Variants in RBM4B observed in about 807,000 individuals in gnomAD.
RBM4B encodes the protein RNA binding motif protein 4B.
Under a neutral mutation model 28.5 loss-of-function variants are expected in RBM4B, and 13 were observed. That is an observed-to-expected ratio of 0.46 (90% CI 0.30 to 0.72). RBM4B has a LOEUF of 0.72. Among genes scored for constraint, RBM4B ranks in the 30% least tolerant of loss-of-function variants. The pLI is 0.09. For synonymous variants in RBM4B, 167 were observed against 179.1 expected, an observed-to-expected ratio of 0.93 and a Z score of 0.54; for missense variants, 387 against 477.6, an observed-to-expected ratio of 0.81 and a Z score of 1.77.
In RBM4B at chr11:66,665,545, C is replaced by T. The variant is rs1245998118; in HGVS notation, c.*43G>A. The T allele has an allele frequency of 3.0e-5, 45 of 1,514,616 alleles. No individual in the cohort carries two copies. Among genetic ancestry groups the T allele is most frequent in the South Asian group, 4.8e-5 (4 of 83,596 alleles). The allele number at this position is 1,514,616 out of a possible 1,614,324, so 93.8% of individuals were successfully genotyped here. On this transcript the variant is annotated 3_prime_UTR_variant, in exon 4 of 4. Coordinates refer to ENST00000310046, the MANE Select transcript of RBM4B (RefSeq NM_031492.4). ...CGCGGAGCAAGTTCTCATATATGAC[C>T]GCAGCCCGAGGGTTCAGTCCGCAAT...
At chr11:66,672,209 C>G (rs1299566463) in intron 2 of RBM4B, among the ~76,000 whole-genome samples, 1 of 151,658 alleles carries the variant, frequency 6.6e-6, no homozygotes, top group African/African-American at 2.4e-5. Flanking sequence ...AAGTTCGAGA[C>G]CAGCCTGGCC....
intron 2 of RBM4B, 44 bp downstream of exon 2, chr11:66,676,624 C>G: frequency 3.1e-6 from 5 of 1,601,330 alleles, no homozygotes; most frequent in Non-Finnish European, 4.3e-6. Context: ...CTGTTTTGAG[C>G]TAGACCCCAC....
chr11:66,668,672 C>A lies in RBM4B; in HGVS notation c.1032G>T (p.Arg344=). The A allele has an allele frequency of 6.2e-7, 1 of 1,613,994 alleles. No individual in the cohort carries two copies. Among genetic ancestry groups the A allele is most frequent in the East Asian group, 2.2e-5 (1 of 44,882 alleles). The change falls in exon 3 of 4, where the codon CGG becomes CGT. Residue 344 remains arginine (R), a synonymous_variant. Transcript: ENST00000310046. ...GGTCCACATACTGCTCCCGTTCATA[C>A]CGGGCCATGTCATACAGAGAATTCC... ...ATRNSLYDMA[R]YEREQYVDRA...
At chr11:66,670,001 C>T (rs1203110512) in intron 2 of RBM4B, among the ~76,000 whole-genome samples, 1 of 152,230 alleles carries the variant, frequency 6.6e-6, no homozygotes, top group Non-Finnish European at 1.5e-5. Context: ...ATTTGGACGG[C>T]ATCTTGCCCA....
chr11:66,666,358 G>A (rs544137049), intron 3 of RBM4B: 6 of 1,010,730 alleles, frequency 5.9e-6, no homozygotes, highest in African/African-American at 3.5e-5. Flanking sequence ...GACGTTCTTG[G>A]ATCAGTTCTG....
At chr11:66,672,430 C>A (rs1012638964) in intron 2 of RBM4B, among the ~76,000 whole-genome samples, 6 of 124,812 alleles carry the variant, frequency 4.8e-5, no homozygotes, top group South Asian at 2.7e-4. Flanking sequence ...AAAAAAAAAA[C>A]CCACAAAAAA....
rs1939352755 is a variant in RBM4B, at chr11:66,668,836, C to T, written c.868G>A (p.Ala290Thr). ...TAGGAGGAAGTGGTGGCTGCAGCAG[C>T]AGCCATAGCAGCTGAAGTGGCAGCA... ...GAAATSAAMA[A>T]AAATTSSYYG... The change falls in exon 3 of 4, where the codon GCT becomes ACT. Residue 290 changes from alanine to threonine, a missense_variant. By Grantham distance (58) the Ala-to-Thr change is moderately conservative (BLOSUM62 0). Coordinates refer to ENST00000310046, the MANE Select transcript of RBM4B (RefSeq NM_031492.4). 3 of 1,614,200 alleles carry T rather than the reference C, an allele frequency of 1.9e-6. No individual in the cohort carries two copies. Among genetic ancestry groups the T allele is most frequent in the Non-Finnish European group, 2.5e-6 (3 of 1,180,024 alleles).
rs148731962 is a variant in RBM4B at position 66,669,030 on chromosome 11, C to T, written c.674G>A (p.Arg225Gln). Residue 225 changes from arginine to glutamine, a missense_variant, in exon 3 of 4, where the codon CGG becomes CAG. Physicochemically the swap from Arg to Gln is conservative, Grantham distance 43 (BLOSUM62 1). Coordinates refer to ENST00000310046, the MANE Select transcript of RBM4B (RefSeq NM_031492.4). Reference protein sequence around the residue: ...YGALDYYKRYRVRSYEAVAAA... With the variant: ...YGALDYYKRYQVRSYEAVAAA... The stretch of plus-strand genomic sequence containing the variant: ...TGCTACTGCCTCATAAGAGCGGACC[C>T]GGTATCGCTTATAGTAGTCGAGTGC... 6.8e-5 allele frequency: 110 copies of T among 1,614,032 alleles called. No homozygotes were observed. The African/African-American group carries it at 1.3e-3, about 18-fold the overall frequency.
At chr11:66,672,903 ATTC>A (rs1030788158) in intron 2 of RBM4B, among the ~76,000 whole-genome samples, 9 of 152,200 alleles carry the variant, frequency 5.9e-5, no homozygotes, top group African/African-American at 2.2e-4. Flanking sequence ...TGAAAGATTA[ATTC>A]TTCTACTCTA....
At position 66,665,481 on chromosome 11, in the gene RBM4B, A is replaced by T; in HGVS notation, c.*107T>A. On this transcript the variant is annotated 3_prime_UTR_variant, in exon 4 of 4. Coordinates refer to ENST00000310046, the MANE Select transcript of RBM4B (RefSeq NM_031492.4). ...GGTCACAAACTCCTTTTGTTTACTG[A>T]AACATGAAGCAATGGAAACATCCCG... 1.1e-6 allele frequency: 1 copy of T among 905,974 alleles called. No individual in the cohort carries two copies. The highest frequency in any genetic ancestry group is 2.6e-5 in the East Asian group (1 of 38,104). 56.1% of individuals were successfully genotyped at this position (905,974 alleles called of 1,614,324 possible). A position where few individuals can be genotyped will look rare whatever the true frequency, so the allele number is the denominator to read the frequency against.
In RBM4B at chr11:66,665,537, T is replaced by C. The variant is rs1210152472; in HGVS notation, c.*51A>G. 2.0e-6 allele frequency: 3 copies of C among 1,490,528 alleles called. No homozygotes were observed. Among genetic ancestry groups the C allele is most frequent in the Admixed American group, 3.9e-5 (2 of 50,958 alleles). 92.3% of individuals were successfully genotyped at this position (1,490,528 alleles called of 1,614,324 possible). On this transcript the variant is annotated 3_prime_UTR_variant, in exon 4 of 4. Transcript: ENST00000310046. Reference sequence around the variant, plus strand: ...GGGGACCGCGCGGAGCAAGTTCTCATATATGACCGCAGCCCGAGGGTTCAG... The same window carrying C: ...GGGGACCGCGCGGAGCAAGTTCTCACATATGACCGCAGCCCGAGGGTTCAG...
chr11:66,670,332 T>A (rs1432595612), intron 2 of RBM4B, among the ~76,000 whole-genome samples: 1 of 150,080 alleles, frequency 6.7e-6, no homozygotes, highest in African/African-American at 2.5e-5. Flanking sequence ...AGGGACAGTG[T>A]CTTGACATGT....
At chr11:66,672,708 G>T (rs924544791) in intron 2 of RBM4B, among the ~76,000 whole-genome samples, 1 of 152,012 alleles carries the variant, frequency 6.6e-6, no homozygotes, top group African/African-American at 2.4e-5. Context: ...TGTTGGCCAG[G>T]CTGGTCTCGA....
At chr11:66,665,980 C>G (rs766061768) in intron 3 of RBM4B, 1 of 1,489,166 alleles carries the variant, frequency 6.7e-7, no homozygotes, top group Non-Finnish European at 9.0e-7. Context: ...TCATATATGG[C>G]GAATTGCACT....
intron 3 of RBM4B, chr11:66,668,364 A>G: frequency 2.2e-6 from 1 of 445,182 alleles, no homozygotes; most frequent in Non-Finnish European, 4.0e-6. Flanking sequence ...TGATTAAAGA[A>G]TGTTCTCACT....
intron 2 of RBM4B, among the ~76,000 whole-genome samples, chr11:66,670,438 C>G (rs1223815864): frequency 6.6e-6 from 1 of 152,066 alleles, no homozygotes; most frequent in African/African-American, 2.4e-5. Context: ...CTAGAGACCT[C>G]TAGGAACCCA....
At chr11:66,673,096 C>T (rs942174729) in intron 2 of RBM4B, among the ~76,000 whole-genome samples, 5 of 151,924 alleles carry the variant, frequency 3.3e-5, no homozygotes, top group African/African-American at 7.2e-5. Context: ...AATTTCTGAG[C>T]GCCTATCAAG....
chr11:66,673,946 C>A (rs1287619739), intron 2 of RBM4B, among the ~76,000 whole-genome samples: 1 of 152,186 alleles, frequency 6.6e-6, no homozygotes, highest in Non-Finnish European at 1.5e-5. Context: ...GTCTCTATAA[C>A]TAGGAGGAGA....
At position 66,677,017 on chromosome 11, in the gene RBM4B, G is replaced by A. The variant is rs754073843; in HGVS notation, c.63C>T (p.Leu21=). ...REATEQEIRS[L]FEQYGKVLEC... ...CCAGCACCTTCCCATACTGCTCGAA[G>A]AGTGAGCGAATCTCCTGCTCTGTAG... The change falls in exon 2 of 4, where the codon CTC becomes CTT. Residue 21 remains leucine (L), a synonymous_variant. Transcript: ENST00000310046. 9 of 1,614,122 alleles carry A rather than the reference G, an allele frequency of 5.6e-6. No individual in the cohort carries two copies. Among genetic ancestry groups the A allele is most frequent in the Non-Finnish European group, 7.6e-6 (9 of 1,180,024 alleles).
Sources: gnomAD v4.1 joint callset for allele counts (sites outside exome capture counted in the v4.1 genomes callset) on GRCh38, gnomAD v4.1.1 for gene constraint, MANE v1.5 for transcripts, NCBI Gene and HGNC (gene_info 2026-07-23, HGNC 2026-07-21) for gene names.